The following OSBPL3 variants were observed in gnomAD, a reference collection of about 807,000 sequenced individuals.
The protein encoded by OSBPL3 is oxysterol binding protein like 3.
Under a neutral mutation model 120.1 loss-of-function variants are expected in OSBPL3, and 65 were observed. The observed-to-expected ratio is 0.54, with a 90% CI of 0.44 to 0.67. OSBPL3 has a LOEUF of 0.67. Ranked by LOEUF, OSBPL3 falls within the 30% of genes least tolerant of loss-of-function variation. OSBPL3 has a pLI of 0.00. For synonymous variants in OSBPL3, 416 were observed against 402.6 expected (o/e 1.03, Z -0.40); for missense variants, 1,004 against 1,082.1 (o/e 0.93, Z 1.01).
intron 10 of OSBPL3, among the ~76,000 whole-genome samples, chr7:24,856,209 T>C (rs1427679980): frequency 2.0e-5 from 3 of 152,102 alleles, no homozygotes; most frequent in Non-Finnish European, 2.9e-5. Flanking sequence ...CAGGCACAGG[T>C]TGAGTTTTTG....
rs77757360 is a variant in OSBPL3, at chr7:24,891,200, T to C, written c.96+1177A>G. 0.035 allele frequency among the ~76,000 whole-genome samples: 5,303 copies of C among 150,644 alleles called. 120 individuals are homozygous for C. The highest frequency in any genetic ancestry group is 0.054 in the Non-Finnish European group (3,698 of 67,902). On this transcript the variant is annotated intron_variant, in intron 2 of 22. Transcript: ENST00000313367. This position sits in a 1 kb window ranked among gnomAD's most constrained non-coding sequence, Gnocchi z 4.1. ...TGATGCATTAGCCAATGACTAATTT[T>C]AGTCTTTTCTTATTTTTTTTTTTTT...
rs937541186 is a variant in OSBPL3, at chr7:24,947,866, G to A, written c.-150+32020C>T. Among the ~76,000 whole-genome samples the A allele has an allele frequency of 7.9e-5, 12 of 151,812 alleles. No individual in the cohort carries two copies. The highest frequency in any genetic ancestry group is 2.9e-4 in the African/African-American group (12 of 41,280). On this transcript the variant is annotated intron_variant, in intron 1 of 22. Transcript: ENST00000313367. This position sits in a 1 kb window ranked among gnomAD's most constrained non-coding sequence, Gnocchi z 4.4. The stretch of plus-strand genomic sequence containing the variant: ...TGATCGGTGTTGGTAATTTGACACT[G>A]TACAGGGGAACAATATAATGTCCCC...
Position 24,872,526 on chromosome 7 carries a change from C to T in OSBPL3, c.97-457G>A, listed in dbSNP as rs1802312554. On this transcript the variant is annotated intron_variant, in intron 2 of 22. Coordinates refer to ENST00000313367, the MANE Select transcript of OSBPL3 (RefSeq NM_015550.4). This position sits in a 1 kb window ranked among gnomAD's most constrained non-coding sequence, Gnocchi z 4.1. ...GAAGTTGGTTTAAGAATTGGCTGAA[C>T]AGTATGAGACAATGCAAATCAGTAA... Among the ~76,000 whole-genome samples the T allele has an allele frequency of 6.7e-6, 1 of 149,686 alleles. No homozygotes were observed. The highest frequency in any genetic ancestry group is 2.1e-4 in the South Asian group (1 of 4,772).
intron 10 of OSBPL3, among the ~76,000 whole-genome samples, chr7:24,861,177 T>C (rs1304295535): frequency 1.3e-5 from 2 of 152,242 alleles, no homozygotes; most frequent in African/African-American, 4.8e-5. Flanking sequence ...TAATGGCTAA[T>C]GATGTTGAAT....
At chr7:24,886,158 GCTT>G (rs1221511651) in intron 2 of OSBPL3, among the ~76,000 whole-genome samples, 3 of 152,086 alleles carry the variant, frequency 2.0e-5, no homozygotes, top group Non-Finnish European at 4.4e-5. Context: ...TAGTCTAGAT[GCTT>G]CTTATTTACT....
chr7:24,866,061 A>T lies in OSBPL3; in HGVS notation c.549+9T>A. On this transcript the variant is annotated intron_variant, in intron 6 of 22. Coordinates refer to ENST00000313367, the MANE Select transcript of OSBPL3 (RefSeq NM_015550.4). Reference sequence around the variant, plus strand: ...TTCTCAGATTCATTATTGGCAAAACACTCATTACCTTCCTACTTGAAATGG... The same window carrying T: ...TTCTCAGATTCATTATTGGCAAAACTCTCATTACCTTCCTACTTGAAATGG... 6.2e-7 allele frequency: 1 copy of T among 1,609,460 alleles called. No homozygotes were observed. The highest frequency in any genetic ancestry group is 8.5e-7 in the Non-Finnish European group (1 of 1,175,968).
chr7:24,842,406 G>C lies in OSBPL3; in HGVS notation c.1274C>G (p.Ser425Cys). The change falls in exon 13 of 23, where the codon TCC becomes TGC. Residue 425 changes from serine (S) to cysteine (C), a missense_variant. Ser to Cys is a moderately radical substitution (Grantham distance 112, BLOSUM62 -1). Coordinates refer to ENST00000313367, the MANE Select transcript of OSBPL3 (RefSeq NM_015550.4). ...AACTAGAGCTCGGTTTTCATCTCTGGAGTTTTCCTATTTGAAGAACAAAAC... is the reference window on the plus strand; with the variant it reads ...AACTAGAGCTCGGTTTTCATCTCTGCAGTTTTCCTATTTGAAGAACAAAAC... ...KSGDNLAEEN[S>C]RDENRALVHQ... 6.3e-7 allele frequency: 1 copy of C among 1,594,622 alleles called. No individual in the cohort carries two copies. The highest frequency in any genetic ancestry group is 8.5e-7 in the Non-Finnish European group (1 of 1,174,734).
intron 2 of OSBPL3, among the ~76,000 whole-genome samples, chr7:24,878,353 G>A (rs1053917408): frequency 5.3e-5 from 8 of 152,162 alleles, no homozygotes; most frequent in African/African-American, 1.9e-4. Flanking sequence ...GTTGGAAAAC[G>A]GGTGTCCTGA....
In OSBPL3 at chr7:24,835,169, A is replaced by C. The variant is rs1227647120; in HGVS notation, c.1496-433T>G. Among the ~76,000 whole-genome samples the C allele has an allele frequency of 6.6e-6, 1 of 152,148 alleles. No individual in the cohort carries two copies. The highest frequency in any genetic ancestry group is 6.5e-5 in the Admixed American group (1 of 15,280). On this transcript the variant is annotated intron_variant, in intron 14 of 22. Coordinates refer to ENST00000313367, the MANE Select transcript of OSBPL3 (RefSeq NM_015550.4). The surrounding 1 kb of genome is among the most constrained non-coding windows in gnomAD (Gnocchi z 4.8). ...CTTTTCATTGCTCCACCACCCCAAA[A>C]TAGCAGCCATTTATATATTAGAGTA...
intron 1 of OSBPL3, among the ~76,000 whole-genome samples, chr7:24,915,578 A>ATTTT (rs575722030): frequency 6.9e-6 from 1 of 144,308 alleles, no homozygotes; most frequent in Non-Finnish European, 1.5e-5. Context: ...CCAAACATTA[A>ATTTT]TTTTTTTTTT....
chr7:24,829,625 A>G (rs1424117966), intron 16 of OSBPL3, among the ~76,000 whole-genome samples: 1 of 152,214 alleles, frequency 6.6e-6, no homozygotes. Context: ...AATGTACAGA[A>G]GCAATGATGT....
At position 24,834,236 on chromosome 7, in the gene OSBPL3, C is replaced by T. The variant is rs1220165420; in HGVS notation, c.1746+250G>A. On this transcript the variant is annotated intron_variant, in intron 15 of 22. Coordinates refer to ENST00000313367, the MANE Select transcript of OSBPL3 (RefSeq NM_015550.4). This position sits in a 1 kb window ranked among gnomAD's most constrained non-coding sequence, Gnocchi z 5.2. ...TTCTGGAGAAAGAGGAAGCACAAACCCACAGAACAGAACTACCCCAGGCAC... is the reference window on the plus strand; with the variant it reads ...TTCTGGAGAAAGAGGAAGCACAAACTCACAGAACAGAACTACCCCAGGCAC... The T allele has an allele frequency of 2.4e-6, 3 of 1,236,124 alleles. No homozygotes were observed. Among genetic ancestry groups the T allele is most frequent in the African/African-American group, 3.1e-5 (2 of 64,236 alleles). The allele number at this position is 1,236,124 out of a possible 1,614,324, so 76.6% of individuals were successfully genotyped here.
intron 10 of OSBPL3, among the ~76,000 whole-genome samples, chr7:24,858,542 T>C (rs1444775734): frequency 6.6e-6 from 1 of 152,234 alleles, no homozygotes; most frequent in Admixed American, 6.5e-5. Flanking sequence ...GCAAGTGTAC[T>C]GTAAAACCAC....
intron 1 of OSBPL3, among the ~76,000 whole-genome samples, chr7:24,942,531 C>T (rs1813226166): frequency 6.6e-6 from 1 of 152,214 alleles, no homozygotes; most frequent in South Asian, 2.1e-4. Flanking sequence ...GTCTCATCTA[C>T]TCAACCATAG....
rs906838627 is a variant in OSBPL3 at position 24,944,077 on chromosome 7, A to G, written c.-150+35809T>C. Among the ~76,000 whole-genome samples, 6 of 29,666 alleles carry G rather than the reference A, an allele frequency of 2.0e-4. No individual in the cohort carries two copies. In the South Asian group the frequency reaches 6.1e-3, roughly 30 times the overall value. 19.5% of individuals were successfully genotyped at this position (29,666 alleles called of 152,430 possible). On this transcript the variant is annotated intron_variant, in intron 1 of 22. Coordinates refer to ENST00000313367, the MANE Select transcript of OSBPL3 (RefSeq NM_015550.4). The stretch of plus-strand genomic sequence containing the variant: ...AATTTAAAATTTTCCAGTCTAAAGT[A>G]AAAAAAAAAAAAAAAAAAAAATTAA...
rs1038103168 is a variant in OSBPL3 at position 24,802,260 on chromosome 7, G to T, written c.2568-1981C>A. ...TCCACTTAGAATTTTCAGTGATTTT[G>T]TTGCTGTTCCTCAGTAAGTGTTAAT... On this transcript the variant is annotated intron_variant, in intron 22 of 22. Transcript: ENST00000313367. The surrounding 1 kb of genome is among the most constrained non-coding windows in gnomAD (Gnocchi z 4.1). 5.9e-5 allele frequency among the ~76,000 whole-genome samples: 9 copies of T among 152,146 alleles called. No homozygotes were observed. Among genetic ancestry groups the T allele is most frequent in the African/African-American group, 2.2e-4 (9 of 41,424 alleles).
intron 1 of OSBPL3, among the ~76,000 whole-genome samples, chr7:24,926,975 G>A: frequency 6.6e-6 from 1 of 152,180 alleles, no homozygotes; most frequent in East Asian, 1.9e-4. Flanking sequence ...TTGAATGGAA[G>A]AAAATTGGAA....
At position 24,863,342 on chromosome 7, in the gene OSBPL3, C is replaced by T. The variant is rs372445183; in HGVS notation, c.778-50G>A. 5 of 1,534,850 alleles carry T rather than the reference C, an allele frequency of 3.3e-6. No individual in the cohort carries two copies. Among genetic ancestry groups the T allele is most frequent in the African/African-American group, 2.7e-5 (2 of 73,420 alleles). On this transcript the variant is annotated intron_variant, in intron 8 of 22. Coordinates refer to ENST00000313367, the MANE Select transcript of OSBPL3 (RefSeq NM_015550.4). This position sits in a 1 kb window ranked among gnomAD's most constrained non-coding sequence, Gnocchi z 5.8. ...GCACAGACAGTAAAGTCCACCAAAC[C>T]GACAAGGATAAATGCATAGCAAAGT...
chr7:24,866,052 T>C lies in OSBPL3; in HGVS notation c.549+18A>G. 1 of 1,604,420 alleles carries C rather than the reference T, an allele frequency of 6.2e-7. No individual in the cohort carries two copies. The highest frequency in any genetic ancestry group is 1.1e-5 in the South Asian group (1 of 90,784). On this transcript the variant is annotated intron_variant, in intron 6 of 22. Transcript: ENST00000313367. ...GCCACCCCGTTCTCAGATTCATTAT[T>C]GGCAAAACACTCATTACCTTCCTAC...
Sources: allele counts gnomAD v4.1 joint callset (sites outside exome capture counted in the v4.1 genomes callset), GRCh38; gene constraint gnomAD v4.1.1; non-coding constraint Gnocchi (gnomAD v3.1); transcripts MANE v1.5; gene names NCBI Gene and HGNC (gene_info 2026-07-23, HGNC 2026-07-21).